Variants in WDR19 observed in about 807,000 individuals in gnomAD.
The protein encoded by WDR19 is WD repeat domain 19.
WDR19 carries 121 observed loss-of-function variants against 180.0 expected under a neutral mutation model. The observed-to-expected ratio is 0.67, with a 90% CI of 0.58 to 0.78. The LOEUF is 0.78. WDR19 is among the 30% of genes least tolerant of loss of function. WDR19 has a pLI of 0.00. For missense variants in WDR19, 1,450 were observed against 1,640.7 expected, an observed-to-expected ratio of 0.88 and a Z score of 2.01; for synonymous variants, 497 against 540.7, an observed-to-expected ratio of 0.92 and a Z score of 1.12.
chr4:39,277,194 C>G (rs1410597050), intron 34 of WDR19, 51 bp downstream of exon 34: 4 of 1,521,684 alleles, frequency 2.6e-6, no homozygotes, highest in Admixed American at 4.6e-5. Context: ...ATTTGTAACC[C>G]ATTTGAATAC....
chr4:39,251,040 T>A (rs1404470132), intron 24 of WDR19, among the ~76,000 whole-genome samples: 1 of 151,998 alleles, frequency 6.6e-6, no homozygotes, highest in Non-Finnish European at 1.5e-5. Flanking sequence ...AAAAAGAGCT[T>A]GCATCGCCAA....
intron 15 of WDR19, among the ~76,000 whole-genome samples, chr4:39,226,110 C>T (rs1212083109): frequency 4.0e-5 from 6 of 151,726 alleles, no homozygotes; most frequent in Admixed American, 2.0e-4. Context: ...CCCCTGTGTG[C>T]GTTCACCACA....
Position 39,218,072 on chromosome 4 carries a change from C to G in WDR19, c.1446C>G (p.Ala482=), listed in dbSNP as rs1560503988. 1 of 1,613,920 alleles carries G rather than the reference C, an allele frequency of 6.2e-7. No homozygotes were observed. Among genetic ancestry groups the G allele is most frequent in the Non-Finnish European group, 8.5e-7 (1 of 1,179,830 alleles). Residue 482 remains alanine, a synonymous_variant, in exon 14 of 37, where the codon GCC becomes GCG. Transcript: ENST00000399820. ...VDDKCRILCH[A]LTSDFLIYGT... ...ATAAGTGCCGTATCTTATGCCATGCCTTAACTAGTGATTTCCTCATCTATG... is the reference window on the plus strand; with the variant it reads ...ATAAGTGCCGTATCTTATGCCATGCGTTAACTAGTGATTTCCTCATCTATG...
At chr4:39,214,504 C>A in intron 9 of WDR19, 97 bp from the exon 10 acceptor site, 1 of 678,040 alleles carries the variant, frequency 1.5e-6, no homozygotes. Flanking sequence ...ATTTTGGAGA[C>A]CAGTAACCTA....
intron 20 of WDR19, 130 bp from the exon 21 acceptor site, chr4:39,240,147 G>A (rs975911182): frequency 1.7e-4 from 62 of 359,666 alleles, no homozygotes; most frequent in Non-Finnish European, 2.3e-4. Context: ...ACTGCACTCC[G>A]GCCTGGGCAA....
At chr4:39,266,176 T>TGTGGC in intron 29 of WDR19, 36 bp downstream of exon 29, 1 of 1,498,168 alleles carries the variant, frequency 6.7e-7, no homozygotes, top group Non-Finnish European at 9.0e-7. Flanking sequence ...CATCCTCAGG[T>TGTGGC]CTCAGTTACA....
Position 39,228,691 on chromosome 4 carries a change from G to A in WDR19, c.1982+1G>A. 1.9e-6 allele frequency: 3 copies of A among 1,565,840 alleles called. No homozygotes were observed. Among genetic ancestry groups the A allele is most frequent in the Non-Finnish European group, 2.6e-6 (3 of 1,155,516 alleles). On this transcript the variant is annotated splice_donor_variant, in intron 17 of 36. Transcript: ENST00000399820. LOFTEE classifies it high-confidence loss of function. Reference sequence around the variant, plus strand: ...TGGCACAGAATTTAATGCTAAAGAGGTAGGCTTTCACACACTTCTTTTGGA... The same window carrying A: ...TGGCACAGAATTTAATGCTAAAGAGATAGGCTTTCACACACTTCTTTTGGA...
chr4:39,227,837 A>G (rs1730432662), intron 15 of WDR19, among the ~76,000 whole-genome samples: 1 of 152,190 alleles, frequency 6.6e-6, no homozygotes, highest in African/African-American at 2.4e-5. Context: ...CACTATTATC[A>G]AATACTCAGT....
chr4:39,257,360 C>A (rs1733861275), intron 27 of WDR19, 126 bp from the exon 28 acceptor site: 1 of 876,388 alleles, frequency 1.1e-6, no homozygotes, highest in African/African-American at 1.7e-5. Context: ...ACCATGCAAG[C>A]CCCTGGTTGA....
rs181741740 is a variant in WDR19 at position 39,250,408 on chromosome 4, C to T, written c.2730-2738C>T. Among the ~76,000 whole-genome samples, 1,426 of 152,180 alleles carry T rather than the reference C, an allele frequency of 9.4e-3. 22 individuals carry two copies. Among genetic ancestry groups the T allele is most frequent in the African/African-American group, 0.032 (1,331 of 41,510 alleles). Reference sequence around the variant, plus strand: ...AACCCACAGCCAATATCATACTGAACGGACAAAAACTGGAAGCATTCCCTT... The same window carrying T: ...AACCCACAGCCAATATCATACTGAATGGACAAAAACTGGAAGCATTCCCTT... On this transcript the variant is annotated intron_variant, in intron 24 of 36. Coordinates refer to ENST00000399820, the MANE Select transcript of WDR19 (RefSeq NM_025132.4).
chr4:39,205,617 T>C lies in WDR19; in HGVS notation c.771T>C (p.Ile257=), dbSNP rs779755322. ...IGFSCGHFVV[I]STHTGELGQE... ...TTTCATGTGGACATTTTGTGGTCAT[T>C]TCTACTCATACTGGAGAGCTTGGTC... The change falls in exon 9 of 37, where the codon ATT becomes ATC. Residue 257 remains isoleucine, a synonymous_variant. Coordinates refer to ENST00000399820, the MANE Select transcript of WDR19 (RefSeq NM_025132.4). The C allele has an allele frequency of 3.7e-6, 6 of 1,613,378 alleles. No homozygotes were observed. The highest frequency in any genetic ancestry group is 5.1e-6 in the Non-Finnish European group (6 of 1,179,710).
chr4:39,262,475 A>T (rs1176107392), intron 28 of WDR19, among the ~76,000 whole-genome samples: 4 of 152,102 alleles, frequency 2.6e-5, no homozygotes, highest in Non-Finnish European at 5.9e-5. Context: ...TCCTAAGCTC[A>T]AGTGATCCTT....
intron 5 of WDR19, among the ~76,000 whole-genome samples, chr4:39,198,497 C>G (rs1727016030): frequency 6.6e-6 from 1 of 151,760 alleles, no homozygotes; most frequent in Non-Finnish European, 1.5e-5. Flanking sequence ...GGAGGTGGAG[C>G]TTGCAGTGAG....
intron 17 of WDR19, among the ~76,000 whole-genome samples, chr4:39,229,992 A>C (rs977621740): frequency 6.6e-6 from 1 of 152,150 alleles, no homozygotes; most frequent in Non-Finnish European, 1.5e-5. Context: ...TGTGTAATGT[A>C]ACTAACCACT....
At chr4:39,274,627 TTAGC>T (rs1331134213) in intron 32 of WDR19, 177 bp from the exon 33 acceptor site, 6 of 655,106 alleles carry the variant, frequency 9.2e-6, no homozygotes, top group Non-Finnish European at 1.5e-5. Context: ...TGATGGGCAG[TTAGC>T]CTGACCCCAC....
At chr4:39,262,627 C>T (rs912362985) in intron 28 of WDR19, among the ~76,000 whole-genome samples, 4 of 152,118 alleles carry the variant, frequency 2.6e-5, no homozygotes, top group African/African-American at 9.7e-5. Context: ...ACACCCCTCC[C>T]GCTGCACCTC....
intron 24 of WDR19, among the ~76,000 whole-genome samples, chr4:39,246,535 TAAGCCGAAGCAGTGC>T (rs1732542695): frequency 6.6e-6 from 1 of 152,200 alleles, no homozygotes; most frequent in South Asian, 2.1e-4. Flanking sequence ...GCACCGTGTG[TAAGCCGAAGCAGTGC>T]AAGGCATCGC....
chr4:39,253,381 A>C, intron 25 of WDR19, 89 bp downstream of exon 25: 1 of 1,379,398 alleles, frequency 7.2e-7, no homozygotes, highest in Non-Finnish European at 9.8e-7. Flanking sequence ...ATTAATTCAA[A>C]AGGAATATTT....
intron 17 of WDR19, among the ~76,000 whole-genome samples, chr4:39,231,300 G>C (rs1385098186): frequency 7.5e-6 from 1 of 132,536 alleles, no homozygotes; most frequent in Non-Finnish European, 1.5e-5. Context: ...GGGCAACAGA[G>C]TGAGACTCCG....
Sources: allele counts gnomAD v4.1 joint callset (sites outside exome capture counted in the v4.1 genomes callset), GRCh38; gene constraint gnomAD v4.1.1; transcripts MANE v1.5; gene names NCBI Gene and HGNC (gene_info 2026-07-23, HGNC 2026-07-21).